The following QRFPR variants were observed in gnomAD, a reference collection of about 807,000 sequenced individuals.
The protein encoded by QRFPR is pyroglutamylated RF-amide peptide receptor.
A neutral mutation model predicts 31.3 loss-of-function variants in QRFPR; 37 were observed. The ratio of observed to expected loss-of-function variants is 1.18; its 90% CI spans 0.91 to 1.56. QRFPR has a LOEUF of 1.56. QRFPR is among the 40% of genes most tolerant of loss of function. The pLI is 0.00. For synonymous variants in QRFPR, 197 were observed against 192.0 expected (o/e 1.03, Z -0.22); for missense variants, 542 against 532.5 (o/e 1.02, Z -0.18).
chr4:121,375,132 T>C (rs960705798), intron 1 of QRFPR, among the ~76,000 whole-genome samples: 3 of 152,176 alleles, frequency 2.0e-5, no homozygotes, highest in Non-Finnish European at 2.9e-5. Flanking sequence ...TTAGAACTGA[T>C]TTTCTGTCTC....
intron 1 of QRFPR, among the ~76,000 whole-genome samples, chr4:121,352,009 G>T (rs1725769914): frequency 6.6e-6 from 1 of 151,914 alleles, no homozygotes; most frequent in African/African-American, 2.4e-5. Flanking sequence ...ACACTAAGAG[G>T]TTTCTATTTT....
chr4:121,344,958 A>T (rs1325402586), intron 1 of QRFPR, among the ~76,000 whole-genome samples: 1 of 152,176 alleles, frequency 6.6e-6, no homozygotes, highest in East Asian at 1.9e-4. Flanking sequence ...GGAACTGTTT[A>T]CTTGGGATAT....
At chr4:121,349,530 T>G (rs1256427467) in intron 1 of QRFPR, among the ~76,000 whole-genome samples, 1 of 152,212 alleles carries the variant, frequency 6.6e-6, no homozygotes, top group African/African-American at 2.4e-5. Flanking sequence ...CTAAAATAAT[T>G]TCTTTTCAGA....
chr4:121,380,443 C>CCG lies in QRFPR; in HGVS notation c.204_205insCG (p.Val69ArgfsTer3). 6.2e-6 allele frequency: 10 copies of CCG among 1,614,136 alleles called. No individual in the cohort carries two copies. The highest frequency in any genetic ancestry group is 8.5e-6 in the Non-Finnish European group (10 of 1,179,962). ...CGCATGGCCTTGCTGCGGGTCACCA[C>CCG]GTAGAACACCAGAGCATTGCCAAAG... On this transcript the variant is annotated frameshift_variant, in exon 1 of 6. Coordinates refer to ENST00000394427, the MANE Select transcript of QRFPR (RefSeq NM_198179.3). LOFTEE classifies it high-confidence loss of function.
chr4:121,344,639 T>G (rs1203593294), intron 1 of QRFPR, among the ~76,000 whole-genome samples: 1 of 152,202 alleles, frequency 6.6e-6, no homozygotes, highest in African/African-American at 2.4e-5. Flanking sequence ...TTATTTTCAC[T>G]CTAACCATCT....
chr4:121,355,785 T>A (rs1725857078), intron 1 of QRFPR, among the ~76,000 whole-genome samples: 1 of 152,138 alleles, frequency 6.6e-6, no homozygotes, highest in Non-Finnish European at 1.5e-5. Flanking sequence ...TTAAGAAATT[T>A]TAAAAAAAAC....
chr4:121,329,584 ATT>A lies in QRFPR; in HGVS notation c.1024_1025del (p.Asn342CysfsTer12), dbSNP rs545337361. On this transcript the variant is annotated frameshift_variant, in exon 6 of 6. Coordinates refer to ENST00000394427, the MANE Select transcript of QRFPR (RefSeq NM_198179.3). LOFTEE classifies it low-confidence loss of function (END_TRUNC). ...TGCAATAACAAACTGCAGACAAAAC[ATT>A]TTTTTTGAAGTTTTCATTCATAAAT... is the stretch of plus-strand genomic sequence containing the variant. ...YAFMNENFKK[N>X]VLSAVCYCIV... 11 of 1,610,426 alleles carry A rather than the reference ATT, an allele frequency of 6.8e-6. No individual in the cohort carries two copies. Among genetic ancestry groups the A allele is most frequent in the Non-Finnish European group, 7.6e-6 (9 of 1,177,756 alleles).
chr4:121,364,610 A>G (rs1430495545), intron 1 of QRFPR, among the ~76,000 whole-genome samples: 1 of 148,188 alleles, frequency 6.7e-6, no homozygotes, highest in Non-Finnish European at 1.5e-5. Flanking sequence ...ACTGCACTCC[A>G]GCCTGGGCCA....
intron 3 of QRFPR, among the ~76,000 whole-genome samples, chr4:121,334,210 T>G (rs970342423): frequency 1.3e-5 from 2 of 152,194 alleles, no homozygotes; most frequent in Admixed American, 6.5e-5. Context: ...CACATAGCCC[T>G]AGGGACTACG....
chr4:121,343,655 G>GTT (rs200402935), intron 1 of QRFPR, among the ~76,000 whole-genome samples: 2 of 151,882 alleles, frequency 1.3e-5, no homozygotes, highest in Admixed American at 1.3e-4. Flanking sequence ...TTTATCCTAG[G>GTT]TTTTTTTTCT....
rs957483445 is a variant in QRFPR at position 121,375,057 on chromosome 4, C to T, written c.340+5251G>A. On this transcript the variant is annotated intron_variant, in intron 1 of 5. Coordinates refer to ENST00000394427, the MANE Select transcript of QRFPR (RefSeq NM_198179.3). Reference sequence around the variant, plus strand: ...CAGGATCCTAGCAAGGCCACTACTCCAGGCACACCCCAAACACTCCCCATT... The same window carrying T: ...CAGGATCCTAGCAAGGCCACTACTCTAGGCACACCCCAAACACTCCCCATT... Among the ~76,000 whole-genome samples the T allele has an allele frequency of 1.4e-4, 22 of 152,268 alleles. 1 individual carries two copies. The East Asian group carries it at 4.3e-3, about 29-fold the overall frequency.
chr4:121,359,523 T>A (rs1027263236), intron 1 of QRFPR, among the ~76,000 whole-genome samples: 8 of 152,084 alleles, frequency 5.3e-5, no homozygotes, highest in Non-Finnish European at 2.9e-5. Flanking sequence ...AGACTCCAAG[T>A]CCTTCAGTTT....
At chr4:121,380,197 G>T (rs1342291184) in intron 1 of QRFPR, 111 bp downstream of exon 1, 2 of 425,856 alleles carry the variant, frequency 4.7e-6, no homozygotes, top group African/African-American at 6.7e-5. Context: ...GAGAGAGAGA[G>T]AGAGAGAGAG....
intron 1 of QRFPR, among the ~76,000 whole-genome samples, chr4:121,361,025 A>C (rs897929784): frequency 9.2e-5 from 14 of 152,350 alleles, no homozygotes; most frequent in Middle Eastern, 3.4e-3. Flanking sequence ...TGAGGAAATG[A>C]ACAAATGACA....
At chr4:121,364,407 C>T (rs1187686071) in intron 1 of QRFPR, among the ~76,000 whole-genome samples, 2 of 149,886 alleles carry the variant, frequency 1.3e-5, no homozygotes, top group African/African-American at 4.9e-5. Flanking sequence ...GAGGCCGAGG[C>T]GGGTGGATCA....
intron 1 of QRFPR, among the ~76,000 whole-genome samples, chr4:121,357,760 T>C (rs1442388326): frequency 6.6e-6 from 1 of 152,196 alleles, no homozygotes. Context: ...CAGCAAAGCT[T>C]AAGAACCAAA....
Position 121,336,848 on chromosome 4 carries a change from C to CT in QRFPR, c.519dup (p.Val174SerfsTer14), listed in dbSNP as rs1560734027. The CT allele has an allele frequency of 6.2e-7, 1 of 1,613,978 alleles. No homozygotes were observed. Among genetic ancestry groups the CT allele is most frequent in the Admixed American group, 1.7e-5 (1 of 60,006 alleles). On this transcript the variant is annotated frameshift_variant, in exon 3 of 6. Coordinates refer to ENST00000394427, the MANE Select transcript of QRFPR (RefSeq NM_198179.3). LOFTEE classifies it high-confidence loss of function. ...TGCCACATGGGTGATCCTACGATGA[C>CT]TGCCACCAGCCAGACCACACCTGTA...
chr4:121,329,850 G>A (rs1725288478), intron 5 of QRFPR, 136 bp from the exon 6 acceptor site: 1 of 638,994 alleles, frequency 1.6e-6, no homozygotes, highest in Non-Finnish European at 2.5e-6. Flanking sequence ...CGTTTTGGGA[G>A]AGGCATCTGA....
At chr4:121,376,218 G>C (rs17051346) in intron 1 of QRFPR, among the ~76,000 whole-genome samples, 1,542 of 152,276 alleles carry the variant, frequency 0.01, 28 homozygotes, top group African/African-American at 0.035. Context: ...TGGGTGCAGA[G>C]AATCGCCACT....
Sources: gnomAD v4.1 joint callset for allele counts (sites outside exome capture counted in the v4.1 genomes callset) on GRCh38, gnomAD v4.1.1 for gene constraint, MANE v1.5 for transcripts, NCBI Gene and HGNC (gene_info 2026-07-23, HGNC 2026-07-21) for gene names.